PPFIA2: variants seen among roughly 807,000 people sequenced by gnomAD.
PPFIA2 encodes PPFI scaffold protein A2, also known as liprin-alpha-2.
PPFIA2 carries 46 observed loss-of-function variants against 175.5 expected under a neutral mutation model. The observed-to-expected ratio is 0.26, with a 90% CI of 0.21 to 0.34. The LOEUF is 0.34. Ranked by LOEUF, PPFIA2 falls within the 10% of genes least tolerant of loss-of-function variation. The pLI is 1.00. For synonymous variants in PPFIA2, 568 were observed against 511.4 expected (o/e 1.11, Z -1.49); for missense variants, 1,179 against 1,506.1 (o/e 0.78, Z 3.60).
rs143512270 is a variant in PPFIA2, at chr12:81,567,611, A to G, written c.303+109180T>C. 1.3e-3 allele frequency among the ~76,000 whole-genome samples: 201 copies of G among 152,330 alleles called. No homozygotes were observed. In the Middle Eastern group the frequency reaches 0.027, roughly 21 times the overall value. Reference sequence around the variant, plus strand: ...CAATGATTCACCTAATCATACCTGCATGATAAAACTCCAGTGAAAACTTTG... The same window carrying G: ...CAATGATTCACCTAATCATACCTGCGTGATAAAACTCCAGTGAAAACTTTG... On this transcript the variant is annotated intron_variant, in intron 4 of 32. Coordinates refer to ENST00000549396, the MANE Select transcript of PPFIA2 (RefSeq NM_003625.5).
intron 9 of PPFIA2, chr12:81,378,069 T>C (rs1279448371): frequency 2.0e-5 from 3 of 152,196 alleles, no homozygotes; most frequent in African/African-American, 7.2e-5. Flanking sequence ...GGAGTTGTAC[T>C]GCTACCAGCC....
At chr12:81,351,919 C>T (rs912669611) in intron 17 of PPFIA2, among the ~76,000 whole-genome samples, 8 of 151,628 alleles carry the variant, frequency 5.3e-5, no homozygotes, top group Non-Finnish European at 1.0e-4. Flanking sequence ...AAAAAAAAAT[C>T]TGAATTTTCA....
intron 4 of PPFIA2, among the ~76,000 whole-genome samples, chr12:81,649,886 T>C (rs1345985388): frequency 6.6e-6 from 1 of 152,220 alleles, no homozygotes; most frequent in African/African-American, 2.4e-5. Flanking sequence ...AGTGTCAGTA[T>C]AGTCTGACTC....
At chr12:81,291,479 G>A (rs537975095) in intron 24 of PPFIA2, among the ~76,000 whole-genome samples, 16 of 151,934 alleles carry the variant, frequency 1.1e-4, no homozygotes, top group South Asian at 2.1e-4. Context: ...AAGGCCACAC[G>A]TTTCTTATAC....
At chr12:81,525,409 T>G (rs188776304) in intron 4 of PPFIA2, among the ~76,000 whole-genome samples, 1 of 152,246 alleles carries the variant, frequency 6.6e-6, no homozygotes, top group Admixed American at 6.5e-5. Context: ...TAAAAGCTCT[T>G]TTGAAAAAAG....
chr12:81,356,806 C>T (rs2060923364), intron 16 of PPFIA2, among the ~76,000 whole-genome samples: 1 of 151,674 alleles, frequency 6.6e-6, no homozygotes, highest in East Asian at 1.9e-4. Flanking sequence ...AAAAAACTGA[C>T]AAACAAACAA....
chr12:81,494,662 T>C (rs545247686), intron 4 of PPFIA2, among the ~76,000 whole-genome samples: 78 of 152,052 alleles, frequency 5.1e-4, no homozygotes, highest in African/African-American at 1.9e-3. Context: ...TATTGCAGCA[T>C]TATTCACAAT....
chr12:81,673,738 T>C (rs2071893678), intron 4 of PPFIA2, among the ~76,000 whole-genome samples: 1 of 152,016 alleles, frequency 6.6e-6, no homozygotes, highest in Admixed American at 6.6e-5. Context: ...TCTAAAATAA[T>C]TATGTGATTT....
At chr12:81,531,121 G>A (rs2064483666) in intron 4 of PPFIA2, among the ~76,000 whole-genome samples, 1 of 151,846 alleles carries the variant, frequency 6.6e-6, no homozygotes, top group African/African-American at 2.4e-5. Flanking sequence ...TAATTTCAAT[G>A]CAATAACTTG....
intron 4 of PPFIA2, among the ~76,000 whole-genome samples, chr12:81,612,785 G>A (rs1483396904): frequency 1.3e-5 from 2 of 152,140 alleles, no homozygotes; most frequent in African/African-American, 4.8e-5. Context: ...ACATAGATGT[G>A]TCATATATAT....
At chr12:81,691,437 G>GA (rs2075229819) in intron 3 of PPFIA2, among the ~76,000 whole-genome samples, 1 of 152,150 alleles carries the variant, frequency 6.6e-6, no homozygotes, top group African/African-American at 2.4e-5. Context: ...CCTGTGTGTG[G>GA]GAGGACTCTG....
intron 4 of PPFIA2, among the ~76,000 whole-genome samples, chr12:81,654,539 T>G (rs1319352706): frequency 6.6e-6 from 1 of 152,100 alleles, no homozygotes; most frequent in Non-Finnish European, 1.5e-5. Flanking sequence ...ATAATGAGTA[T>G]ATAGACCTAG....
chr12:81,388,840 T>A (rs1053743527), intron 8 of PPFIA2, among the ~76,000 whole-genome samples: 1 of 151,952 alleles, frequency 6.6e-6, no homozygotes, highest in African/African-American at 2.4e-5. Context: ...GTTCAGTTAA[T>A]TTACGCTTTA....
At chr12:81,665,208 T>C (rs2153555703) in intron 4 of PPFIA2, among the ~76,000 whole-genome samples, 1 of 151,986 alleles carries the variant, frequency 6.6e-6, no homozygotes, top group South Asian at 2.1e-4. Context: ...TGAAAAAAAT[T>C]TACGGTACAT....
chr12:81,666,375 T>C (rs1158211476), intron 4 of PPFIA2, among the ~76,000 whole-genome samples: 5 of 152,130 alleles, frequency 3.3e-5, no homozygotes, highest in African/African-American at 7.2e-5. Context: ...TATCCAACAA[T>C]GATAGACTGG....
chr12:81,618,759 C>A (rs1049094755), intron 4 of PPFIA2, among the ~76,000 whole-genome samples: 1 of 151,822 alleles, frequency 6.6e-6, no homozygotes, highest in East Asian at 1.9e-4. Flanking sequence ...GTCTCCATCT[C>A]CTGACCTCGT....
chr12:81,509,075 T>C (rs11114891), intron 4 of PPFIA2, among the ~76,000 whole-genome samples: 50,636 of 151,706 alleles, frequency 0.33, 9,388 homozygotes, highest in African/African-American at 0.51. Flanking sequence ...AAACTGGAAA[T>C]CATCATTCTC....
intron 4 of PPFIA2, among the ~76,000 whole-genome samples, chr12:81,484,790 C>T (rs1593759902): frequency 6.6e-6 from 1 of 151,608 alleles, no homozygotes; most frequent in African/African-American, 2.4e-5. Flanking sequence ...TTTTAAATTC[C>T]CATATTTCTA....
chr12:81,710,556 A>C (rs1298600601), intron 3 of PPFIA2, among the ~76,000 whole-genome samples: 1 of 152,142 alleles, frequency 6.6e-6, no homozygotes, highest in Non-Finnish European at 1.5e-5. Flanking sequence ...TGAAATGCTT[A>C]AAATCAGAAG....
Sources: gnomAD v4.1 joint callset for allele counts (sites outside exome capture counted in the v4.1 genomes callset) on GRCh38, gnomAD v4.1.1 for gene constraint, MANE v1.5 for transcripts, NCBI Gene and HGNC (gene_info 2026-07-23, HGNC 2026-07-21) for gene names.